The following MDM4 variants were observed in gnomAD, a reference collection of about 807,000 sequenced individuals.
MDM4 encodes the protein protein Mdm4.
A neutral mutation model predicts 60.2 loss-of-function variants in MDM4; 2 were observed. The ratio of observed to expected loss-of-function variants is 0.03; its 90% confidence interval spans 0.01 to 0.10. The LOEUF (loss-of-function observed/expected upper bound fraction) is 0.10, where lower values mean the gene tolerates loss of function less well. MDM4 is among the 10% of genes least tolerant of loss of function. The pLI is 1.00. For missense variants in MDM4, 447 were observed against 577.5 expected, an observed-to-expected ratio of 0.77 and a Z score of 2.32; for synonymous variants, 202 against 198.1, an observed-to-expected ratio of 1.02 and a Z score of -0.17.
intron 1 of MDM4, among the ~76,000 whole-genome samples, chr1:204,520,349 C>T (rs1304974252): frequency 2.1e-5 from 3 of 146,142 alleles, no homozygotes; most frequent in Non-Finnish European, 4.5e-5. Context: ...ACAAAATTTC[C>T]CAAATTACAT....
intron 1 of MDM4, among the ~76,000 whole-genome samples, chr1:204,524,464 GTTAAC>G (rs1284187465): frequency 1.3e-5 from 2 of 152,174 alleles, no homozygotes; most frequent in African/African-American, 2.4e-5. Context: ...ATAAATGAAG[GTTAAC>G]TTAAGTTTAT....
chr1:204,520,480 A>G (rs772591432), intron 1 of MDM4, among the ~76,000 whole-genome samples: 2 of 152,226 alleles, frequency 1.3e-5, no homozygotes, highest in Admixed American at 6.5e-5. Context: ...AATGAAAACA[A>G]TAGGGTTCAG....
chr1:204,525,827 G>A (rs926610719), intron 2 of MDM4, among the ~76,000 whole-genome samples: 3 of 152,070 alleles, frequency 2.0e-5, no homozygotes, highest in African/African-American at 7.2e-5. Context: ...TTTAGTTCTA[G>A]CTACTTGGGA....
chr1:204,545,834 C>G (rs551311537), intron 9 of MDM4, among the ~76,000 whole-genome samples: 1 of 152,010 alleles, frequency 6.6e-6, no homozygotes, highest in African/African-American at 2.4e-5. Flanking sequence ...GCCTAGGAAA[C>G]GTCTATAGAG....
chr1:204,546,909 C>T (rs530692137), intron 10 of MDM4, 32 bp downstream of exon 10: 2 of 1,348,438 alleles, frequency 1.5e-6, no homozygotes, highest in South Asian at 2.4e-5. Flanking sequence ...TATTTTGCAC[C>T]AGCCCCATCT....
intron 8 of MDM4, among the ~76,000 whole-genome samples, 195 bp from the exon 9 acceptor site, chr1:204,544,340 A>G (rs755396680): frequency 3.9e-5 from 6 of 152,252 alleles, no homozygotes; most frequent in Non-Finnish European, 7.3e-5. Flanking sequence ...TGACACCATT[A>G]TATCCATCCA....
chr1:204,522,796 A>G (rs1012985694), intron 1 of MDM4, among the ~76,000 whole-genome samples: 1 of 151,974 alleles, frequency 6.6e-6, no homozygotes, highest in Non-Finnish European at 1.5e-5. Context: ...ATACTTGATT[A>G]CAGCTATAAG....
intron 1 of MDM4, among the ~76,000 whole-genome samples, chr1:204,519,787 C>T (rs763969193): frequency 6.6e-6 from 1 of 152,060 alleles, no homozygotes; most frequent in Non-Finnish European, 1.5e-5. Context: ...GCAGTCCAGC[C>T]TGGGCGACAG....
intron 1 of MDM4, 106 bp downstream of exon 1, chr1:204,516,615 G>C (rs1658998803): frequency 6.6e-6 from 1 of 152,286 alleles, no homozygotes; most frequent in East Asian, 1.9e-4. Flanking sequence ...GGAGGAGCTT[G>C]AGAGGTGGGT....
At position 204,550,227 on chromosome 1, in the gene MDM4, G is replaced by A. The variant is rs4252746; in HGVS notation, c.*545G>A. On this transcript the variant is annotated 3_prime_UTR_variant, in exon 11 of 11. Coordinates refer to ENST00000367182, the MANE Select transcript of MDM4 (RefSeq NM_002393.5). ...TCTGTCTCCCAGGCTGAAGTGCAGT[G>A]CAGTGGTATGATCATGGCTCACTGC... is the stretch of plus-strand genomic sequence containing the variant. 7.1e-3 allele frequency: 1,655 copies of A among 231,706 alleles called. 9 individuals carry two copies. Among genetic ancestry groups the A allele is most frequent in the Non-Finnish European group, 9.7e-3 (1,138 of 117,656 alleles). 14.4% of individuals were successfully genotyped at this position (231,706 alleles called of 1,614,324 possible).
intron 3 of MDM4, chr1:204,528,947 C>T (rs771714102): frequency 2.4e-5 from 37 of 1,569,152 alleles, no homozygotes; most frequent in Non-Finnish European, 3.1e-5. Context: ...TCGGCATCTG[C>T]AGCTGGGTGC....
intron 7 of MDM4, among the ~76,000 whole-genome samples, chr1:204,542,253 T>C (rs1662169283): frequency 6.6e-6 from 1 of 152,216 alleles, no homozygotes; most frequent in Non-Finnish European, 1.5e-5. Context: ...ACCCAGAATA[T>C]GTGGTACCAG....
At chr1:204,538,605 A>G (rs538751146) in intron 7 of MDM4, among the ~76,000 whole-genome samples, 23 of 152,308 alleles carry the variant, frequency 1.5e-4, no homozygotes, top group African/African-American at 5.5e-4. Flanking sequence ...ACATGAATTC[A>G]GCTGCCTTAG....
At chr1:204,544,223 T>C (rs565191085) in intron 8 of MDM4, among the ~76,000 whole-genome samples, 3 of 152,328 alleles carry the variant, frequency 2.0e-5, no homozygotes, top group East Asian at 1.9e-4. Flanking sequence ...ATTTAGGGAA[T>C]AGATTCTATT....
chr1:204,539,624 C>T (rs1409007026), intron 7 of MDM4, among the ~76,000 whole-genome samples: 1 of 149,900 alleles, frequency 6.7e-6, no homozygotes, highest in African/African-American at 2.5e-5. Flanking sequence ...ACAACCTCCA[C>T]CTCCCGTGTT....
At chr1:204,546,906 C>T (rs767879253) in intron 10 of MDM4, 29 bp downstream of exon 10, 5 of 1,374,726 alleles carry the variant, frequency 3.6e-6, no homozygotes, top group East Asian at 2.3e-5. Flanking sequence ...AACTATTTTG[C>T]ACCAGCCCCA....
chr1:204,547,869 A>G (rs1040164590), intron 10 of MDM4, among the ~76,000 whole-genome samples: 3 of 152,150 alleles, frequency 2.0e-5, no homozygotes, highest in African/African-American at 4.8e-5. Context: ...GATTACAGAC[A>G]TGTGCCACCA....
rs767019040 is a variant in MDM4 at position 204,549,689 on chromosome 1, T to A, written c.*7T>A. Reference sequence around the variant, plus strand: ...TAAGGTTTTTATAGCATAATGGTAGTACGAACATAAAAATGCATTTATTCC... The same window carrying A: ...TAAGGTTTTTATAGCATAATGGTAGAACGAACATAAAAATGCATTTATTCC... On this transcript the variant is annotated 3_prime_UTR_variant, in exon 11 of 11. Coordinates refer to ENST00000367182, the MANE Select transcript of MDM4 (RefSeq NM_002393.5). The A allele has an allele frequency of 6.9e-7, 1 of 1,450,572 alleles. No individual in the cohort carries two copies. Among genetic ancestry groups the A allele is most frequent in the Non-Finnish European group, 9.3e-7 (1 of 1,075,684 alleles). The allele number at this position is 1,450,572 out of a possible 1,614,324, so 89.9% of individuals were successfully genotyped here. A position where few individuals can be genotyped will look rare whatever the true frequency, so the allele number is the denominator to read the frequency against.
chr1:204,538,325 G>A lies in MDM4; in HGVS notation c.511+17G>A. ...CTAGAGAAGGTATGTTTTGGATTAA[G>A]GCTATATAGACTTTTGTTCTCTTCC... is the stretch of plus-strand genomic sequence containing the variant. On this transcript the variant is annotated intron_variant, in intron 7 of 10. Coordinates refer to ENST00000367182, the MANE Select transcript of MDM4 (RefSeq NM_002393.5). The A allele has an allele frequency of 2.2e-6, 3 of 1,362,020 alleles. No individual in the cohort carries two copies. The highest frequency in any genetic ancestry group is 3.1e-6 in the Non-Finnish European group (3 of 955,026). 84.4% of individuals were successfully genotyped at this position (1,362,020 alleles called of 1,614,324 possible). A position where few individuals can be genotyped will look rare whatever the true frequency, so the allele number is the denominator to read the frequency against.
Sources: allele counts gnomAD v4.1 joint callset (sites outside exome capture counted in the v4.1 genomes callset), GRCh38; gene constraint gnomAD v4.1.1; transcripts MANE v1.5; gene names NCBI Gene and HGNC (gene_info 2026-07-23, HGNC 2026-07-21).